The following FGF14 variants were observed in gnomAD, a reference collection of about 807,000 sequenced individuals.
The protein encoded by FGF14 is fibroblast growth factor homologous factor 4.
In FGF14, 5 loss-of-function variants were observed where a neutral mutation model predicts 25.5. That is an observed-to-expected ratio of 0.20 (90% CI 0.10 to 0.41). FGF14 has a LOEUF of 0.41. FGF14 is among the 10% of genes least tolerant of loss of function. The probability of loss-of-function intolerance (pLI) is 1.00; values close to 1 mark genes in which losing one functional copy is unlikely to be tolerated. For missense variants in FGF14, 222 were observed against 320.1 expected, an observed-to-expected ratio of 0.69 and a Z score of 2.34; for synonymous variants, 138 against 118.3, an observed-to-expected ratio of 1.17 and a Z score of -1.08.
intron 1 of FGF14, among the ~76,000 whole-genome samples, chr13:102,041,959 C>T (rs1361699533): frequency 2.6e-5 from 4 of 152,174 alleles, no homozygotes; most frequent in Non-Finnish European, 5.9e-5. Flanking sequence ...CATCTTAACA[C>T]TGTGACCAGC....
At chr13:102,052,839 GTACAGAACTCA>G (rs1386844603) in intron 1 of FGF14, among the ~76,000 whole-genome samples, 2 of 152,068 alleles carry the variant, frequency 1.3e-5, no homozygotes. Context: ...ACATCTGAAA[GTACAGAACTCA>G]TAAATAAAAG....
chr13:102,229,748 A>T (rs923944752), intron 1 of FGF14, among the ~76,000 whole-genome samples: 2 of 152,326 alleles, frequency 1.3e-5, no homozygotes, highest in East Asian at 3.9e-4. Context: ...CTAAGTGTGT[A>T]CTTACCAATG....
At chr13:101,893,182 C>G (rs901835195) in intron 1 of FGF14, among the ~76,000 whole-genome samples, 2 of 152,144 alleles carry the variant, frequency 1.3e-5, no homozygotes, top group Non-Finnish European at 2.9e-5. Context: ...GGGCTGCCTG[C>G]TATTGAAAGC....
At chr13:102,209,835 AAAC>A (rs1307529742) in intron 1 of FGF14, among the ~76,000 whole-genome samples, 1 of 152,218 alleles carries the variant, frequency 6.6e-6, no homozygotes, top group East Asian at 1.9e-4. Context: ...AAGAGAGAAT[AAAC>A]AAATTTTTAA....
chr13:101,715,179 C>G lies in FGF14; in HGVS notation c.*7652G>C, dbSNP rs778061299. ...CTTTGCTTTCTGCCCATCCTTACTA[C>G]GTAAGACTCTCTTCACGGATTACTT... On this transcript the variant is annotated 3_prime_UTR_variant, in exon 5 of 5. Coordinates refer to ENST00000376143, the MANE Select transcript of FGF14 (RefSeq NM_004115.4). 5.4e-6 allele frequency: 1 copy of G among 184,226 alleles called. No homozygotes were observed. The highest frequency in any genetic ancestry group is 2.4e-5 in the African/African-American group (1 of 42,210). 11.4% of individuals were successfully genotyped at this position (184,226 alleles called of 1,614,324 possible).
At chr13:102,120,438 C>G (rs559421602) in intron 1 of FGF14, among the ~76,000 whole-genome samples, 1 of 152,264 alleles carries the variant, frequency 6.6e-6, no homozygotes, top group East Asian at 1.9e-4. Flanking sequence ...ACCTTTGTTT[C>G]AGGGATTCAA....
intron 1 of FGF14, among the ~76,000 whole-genome samples, chr13:101,901,639 G>A (rs1409496842): frequency 2.6e-5 from 4 of 152,154 alleles, no homozygotes; most frequent in African/African-American, 9.7e-5. Flanking sequence ...CAGAAGTGGA[G>A]GTTGCAGTGA....
chr13:101,966,408 A>G (rs753488659), intron 1 of FGF14, among the ~76,000 whole-genome samples: 1 of 152,210 alleles, frequency 6.6e-6, no homozygotes, highest in Non-Finnish European at 1.5e-5. Context: ...TGGAGGGAGC[A>G]TGGTTCTGCA....
intron 1 of FGF14, among the ~76,000 whole-genome samples, chr13:101,963,419 C>A (rs574661179): frequency 6.6e-6 from 1 of 152,154 alleles, no homozygotes; most frequent in East Asian, 1.9e-4. Flanking sequence ...TCCAAATGGT[C>A]CCTCTAATTC....
chr13:101,753,584 C>T (rs1481614476), intron 3 of FGF14, among the ~76,000 whole-genome samples: 1 of 152,116 alleles, frequency 6.6e-6, no homozygotes, highest in Non-Finnish European at 1.5e-5. Context: ...GCAGGCGCAT[C>T]ACCTGAGGTC....
intron 1 of FGF14, among the ~76,000 whole-genome samples, chr13:101,886,065 A>C (rs1304902578): frequency 3.3e-5 from 5 of 152,206 alleles, no homozygotes; most frequent in African/African-American, 1.2e-4. Context: ...CAGTGTTAAG[A>C]TCCAAATCTA....
intron 1 of FGF14, among the ~76,000 whole-genome samples, chr13:102,296,674 C>T (rs1566912465): frequency 1.3e-5 from 2 of 152,160 alleles, no homozygotes; most frequent in African/African-American, 4.8e-5. Context: ...TTCTCCATTT[C>T]TCCTTCCAAA....
At chr13:101,723,323 A>C (rs1005342645) in intron 4 of FGF14, among the ~76,000 whole-genome samples, 9 of 151,948 alleles carry the variant, frequency 5.9e-5, no homozygotes, top group African/African-American at 2.2e-4. Context: ...CTTAATTCTC[A>C]AAAAAAGAAA....
intron 3 of FGF14, among the ~76,000 whole-genome samples, chr13:101,755,007 C>A (rs1854307): frequency 2.0e-5 from 3 of 151,948 alleles, no homozygotes; most frequent in African/African-American, 7.3e-5. Flanking sequence ...AACATTGTTG[C>A]AAGAAAACAG....
chr13:101,836,218 T>A (rs1443365397), intron 3 of FGF14, among the ~76,000 whole-genome samples: 1 of 152,028 alleles, frequency 6.6e-6, no homozygotes, highest in Admixed American at 6.6e-5. Context: ...CTGGTAAATG[T>A]GCATCTGCCA....
intron 1 of FGF14, among the ~76,000 whole-genome samples, chr13:102,209,320 A>T (rs1244827669): frequency 6.6e-6 from 1 of 152,254 alleles, no homozygotes; most frequent in Non-Finnish European, 1.5e-5. Flanking sequence ...TCCTAGGCAT[A>T]TTATTTAGAA....
chr13:102,351,848 T>G (rs2057289758), intron 1 of FGF14, among the ~76,000 whole-genome samples: 1 of 152,236 alleles, frequency 6.6e-6, no homozygotes, highest in Non-Finnish European at 1.5e-5. Context: ...CACATTCAGT[T>G]GCCTCTGCTT....
intron 1 of FGF14, among the ~76,000 whole-genome samples, chr13:102,130,103 G>C (rs1453093838): frequency 6.6e-6 from 1 of 152,112 alleles, no homozygotes; most frequent in Non-Finnish European, 1.5e-5. Flanking sequence ...GTAGTTGTTG[G>C]CTAATATTAT....
At position 101,997,764 on chromosome 13, in the gene FGF14, C is replaced by G. The variant is rs568716108; in HGVS notation, c.209-122468G>C. Among the ~76,000 whole-genome samples the G allele has an allele frequency of 3.9e-5, 6 of 152,288 alleles. No individual in the cohort carries two copies. The South Asian group carries it at 1.2e-3, about 32-fold the overall frequency. On this transcript the variant is annotated intron_variant, in intron 1 of 4. Coordinates refer to the FGF14 transcript ENST00000376131. ...TTTAGAAGTTGCAGTATTTTGGTGG[C>G]AAAATAGTAGGCCCCTAATAGAAGA... is the stretch of plus-strand genomic sequence containing the variant.
Sources: gnomAD v4.1 joint callset for allele counts (sites outside exome capture counted in the v4.1 genomes callset) on GRCh38, gnomAD v4.1.1 for gene constraint, MANE v1.5 for transcripts, NCBI Gene and HGNC (gene_info 2026-07-23, HGNC 2026-07-21) for gene names.